Variants in DSCAML1 observed in about 807,000 individuals in gnomAD.
DSCAML1 encodes the protein DS cell adhesion molecule like 1.
In DSCAML1, 38 loss-of-function variants were observed where a neutral mutation model predicts 200.5. The ratio of observed to expected loss-of-function variants is 0.19; its 90% confidence interval spans 0.15 to 0.25. The LOEUF (loss-of-function observed/expected upper bound fraction) is 0.25, where lower values mean the gene tolerates loss of function less well. Among genes scored for constraint, DSCAML1 ranks in the 10% least tolerant of loss-of-function variants. The probability of loss-of-function intolerance (pLI) is 1.00; values close to 1 mark genes in which losing one functional copy is unlikely to be tolerated. For missense variants in DSCAML1, 2,223 were observed against 2,858.8 expected (o/e 0.78, Z 5.07); for synonymous variants, 1,215 against 1,165.0 (o/e 1.04, Z -0.87).
At chr11:117,772,737 T>C (rs1012036936) in intron 3 of DSCAML1, among the ~76,000 whole-genome samples, 3 of 152,204 alleles carry the variant, frequency 2.0e-5, no homozygotes, top group Admixed American at 2.0e-4. Flanking sequence ...AAACCACATC[T>C]CAGCTTCACT....
chr11:117,428,424 G>A lies in DSCAML1; in HGVS notation c.6066C>T (p.Gly2022=), dbSNP rs755615903. 4 of 1,554,158 alleles carry A rather than the reference G, an allele frequency of 2.6e-6. No individual in the cohort carries two copies. Among genetic ancestry groups the A allele is most frequent in the South Asian group, 2.4e-5 (2 of 82,662 alleles). The change falls in exon 33 of 33, where the codon GGC becomes GGT. Residue 2022 remains glycine (G), a synonymous_variant. Coordinates refer to ENST00000651296, the MANE Select transcript of DSCAML1 (RefSeq NM_020693.4). Reference sequence around the variant, plus strand: ...TCATCTCGAGAAGCGAGTCCCTGGAGCCCCCCATTTTGGTGTGTGGGCCCC... The same window carrying A: ...TCATCTCGAGAAGCGAGTCCCTGGAACCCCCCATTTTGGTGTGTGGGCCCC... The part of the protein sequence containing the change: ...RAGGPHTKMG[G]SRDSLLEMST...
chr11:117,725,200 A>G (rs914176607), intron 3 of DSCAML1, among the ~76,000 whole-genome samples: 1 of 152,286 alleles, frequency 6.6e-6, no homozygotes, highest in Non-Finnish European at 1.5e-5. Flanking sequence ...GTCTCCGTGG[A>G]CGGGAGGCAA....
chr11:117,472,366 C>A (rs1445020429), intron 14 of DSCAML1, among the ~76,000 whole-genome samples: 1 of 152,180 alleles, frequency 6.6e-6, no homozygotes, highest in African/African-American at 2.4e-5. Flanking sequence ...TGGCCAGTGC[C>A]CTTCTTCCTG....
At chr11:117,794,026 C>T (rs948433573) in intron 1 of DSCAML1, among the ~76,000 whole-genome samples, 3 of 100,080 alleles carry the variant, frequency 3.0e-5, no homozygotes, top group Admixed American at 1.2e-4. Context: ...AACACATTTC[C>T]CCATTGCCCC....
intron 3 of DSCAML1, among the ~76,000 whole-genome samples, chr11:117,601,618 C>T (rs2051468000): frequency 6.6e-6 from 1 of 152,228 alleles, no homozygotes; most frequent in African/African-American, 2.4e-5. Flanking sequence ...AGAGAGGCAA[C>T]ACTATAGAAT....
chr11:117,797,090 G>T lies in DSCAML1; in HGVS notation c.-11C>A. On this transcript the variant is annotated 5_prime_UTR_variant, in exon 1 of 33. Coordinates refer to ENST00000651296, the MANE Select transcript of DSCAML1 (RefSeq NM_020693.4). ...AGTTACCAGCCACATGCCATAAAGA[G>T]GCCCTATTCTCCGGGGAGGTGGTCC... 1.3e-6 allele frequency: 2 copies of T among 1,585,672 alleles called. No homozygotes were observed. The highest frequency in any genetic ancestry group is 1.7e-6 in the Non-Finnish European group (2 of 1,166,740).
chr11:117,685,507 G>A (rs115013727), intron 3 of DSCAML1, among the ~76,000 whole-genome samples: 1 of 152,162 alleles, frequency 6.6e-6, no homozygotes, highest in Non-Finnish European at 1.5e-5. Context: ...ATGCCCCCAG[G>A]GGCAGACCTG....
At chr11:117,731,677 G>A (rs747411050) in intron 3 of DSCAML1, among the ~76,000 whole-genome samples, 1 of 152,194 alleles carries the variant, frequency 6.6e-6, no homozygotes, top group Non-Finnish European at 1.5e-5. Context: ...CTTCCCTGTC[G>A]TTTAATACCA....
At chr11:117,672,102 G>GGAAAAAAAAAGAAAAAAAAAAAAAAAA (rs1555196987) in intron 3 of DSCAML1, among the ~76,000 whole-genome samples, 41 of 94,468 alleles carry the variant, frequency 4.3e-4, no homozygotes, top group Non-Finnish European at 6.6e-4. Flanking sequence ...CTCCAGCTCA[G>GGAAAAAAAAAGAAAAAAAAAAAAAAAA]AAAAAAAAAA....
intron 19 of DSCAML1, among the ~76,000 whole-genome samples, chr11:117,456,090 A>G (rs2048363293): frequency 6.6e-6 from 1 of 152,196 alleles, no homozygotes; most frequent in African/African-American, 2.4e-5. Flanking sequence ...AAATGAGGAT[A>G]AGTCTGTTGA....
chr11:117,581,560 A>G (rs2051041010), intron 3 of DSCAML1, among the ~76,000 whole-genome samples: 1 of 152,220 alleles, frequency 6.6e-6, no homozygotes. Context: ...GTGAGTAGCC[A>G]TTCAAGTCTG....
intron 3 of DSCAML1, among the ~76,000 whole-genome samples, chr11:117,536,134 G>C (rs1230335489): frequency 6.6e-6 from 1 of 152,186 alleles, no homozygotes; most frequent in African/African-American, 2.4e-5. Flanking sequence ...AGGGGAAGGA[G>C]AAATCAGGGG....
At chr11:117,605,139 C>T (rs2051539477) in intron 3 of DSCAML1, among the ~76,000 whole-genome samples, 1 of 152,140 alleles carries the variant, frequency 6.6e-6, no homozygotes, top group Non-Finnish European at 1.5e-5. Context: ...CGCAATCCTC[C>T]CACCTCATTC....
intron 3 of DSCAML1, among the ~76,000 whole-genome samples, chr11:117,624,334 T>C (rs6589616): frequency 0.75 from 113,538 of 151,986 alleles, 42,691 homozygotes; most frequent in Admixed American, 0.81. Flanking sequence ...ATGACTGGAG[T>C]CATTCCTGAC....
At chr11:117,769,541 ATATATTTTAT>A (rs2054999101) in intron 3 of DSCAML1, among the ~76,000 whole-genome samples, 1 of 1,908 alleles carries the variant, frequency 5.2e-4, no homozygotes, top group Non-Finnish European at 2.8e-3. Flanking sequence ...TATATATATT[ATATATTTTAT>A]ATATATATTT....
chr11:117,672,102 G>GAAAAAAAAAAAAAAAAAAAAAAAAA (rs71037491), intron 3 of DSCAML1, among the ~76,000 whole-genome samples: 9 of 94,504 alleles, frequency 9.5e-5, no homozygotes, highest in African/African-American at 3.4e-4. Flanking sequence ...CTCCAGCTCA[G>GAAAAAAAAAAAAAAAAAAAAAAAAA]AAAAAAAAAA....
At chr11:117,587,262 C>CCCCT in intron 3 of DSCAML1, among the ~76,000 whole-genome samples, 1 of 150,802 alleles carries the variant, frequency 6.6e-6, no homozygotes, top group South Asian at 2.2e-4. Flanking sequence ...AACCCCCCCC[C>CCCCT]ACGATTTAGA....
At chr11:117,696,450 TATA>T in intron 3 of DSCAML1, among the ~76,000 whole-genome samples, 1 of 152,234 alleles carries the variant, frequency 6.6e-6, no homozygotes, top group East Asian at 1.9e-4. Flanking sequence ...ATCATAAATG[TATA>T]ATGTGCTCTT....
chr11:117,542,325 AAC>A (rs1316341217), intron 3 of DSCAML1, among the ~76,000 whole-genome samples: 1,610 of 126,118 alleles, frequency 0.013, 24 homozygotes, highest in South Asian at 0.073. Flanking sequence ...AACAAAACAA[AAC>A]ACAAAAACAA....
Sources: allele counts gnomAD v4.1 joint callset (sites outside exome capture counted in the v4.1 genomes callset), GRCh38; gene constraint gnomAD v4.1.1; transcripts MANE v1.5; gene names NCBI Gene and HGNC (gene_info 2026-07-23, HGNC 2026-07-21).